Variants in CCSER1 observed in about 807,000 individuals in gnomAD.
CCSER1 encodes serine-rich coiled-coil domain-containing protein 1.
CCSER1 carries 41 observed loss-of-function variants against 82.0 expected under a neutral mutation model. That is an observed-to-expected ratio of 0.50 (90% CI 0.39 to 0.65). The LOEUF (loss-of-function observed/expected upper bound fraction) is 0.65, where lower values mean the gene tolerates loss of function less well. CCSER1 is among the 30% of genes least tolerant of loss of function. The pLI is 0.00. For synonymous variants in CCSER1, 414 were observed against 383.9 expected, an observed-to-expected ratio of 1.08 and a Z score of -0.92; for missense variants, 1,119 against 1,064.2, an observed-to-expected ratio of 1.05 and a Z score of -0.72.
At chr4:91,254,290 G>A (rs1378609094) in intron 10 of CCSER1, among the ~76,000 whole-genome samples, 2 of 152,132 alleles carry the variant, frequency 1.3e-5, no homozygotes, top group African/African-American at 2.4e-5. Flanking sequence ...TATTTTCCAA[G>A]ATAGACTACA....
At chr4:91,416,774 C>T (rs1441179197) in intron 10 of CCSER1, among the ~76,000 whole-genome samples, 2 of 152,110 alleles carry the variant, frequency 1.3e-5, no homozygotes, top group African/African-American at 2.4e-5. Flanking sequence ...TAGGCAATAC[C>T]ATTCAGGACA....
intron 1 of CCSER1, among the ~76,000 whole-genome samples, chr4:90,167,970 A>G (rs2153372559): frequency 6.6e-6 from 1 of 152,262 alleles, no homozygotes; most frequent in East Asian, 1.9e-4. Flanking sequence ...CATGATTTAT[A>G]ATCCTTTGGG....
intron 4 of CCSER1, among the ~76,000 whole-genome samples, chr4:90,436,628 G>A (rs961448967): frequency 5.3e-5 from 8 of 151,944 alleles, no homozygotes; most frequent in Admixed American, 1.3e-4. Context: ...ATAAGAATCC[G>A]ATTTTCTTTT....
At chr4:90,830,117 A>ACC (rs1344619301) in intron 8 of CCSER1, among the ~76,000 whole-genome samples, 1 of 152,120 alleles carries the variant, frequency 6.6e-6, no homozygotes, top group East Asian at 1.9e-4. Context: ...CCAAACCATC[A>ACC]CCGGACATTT....
At chr4:91,215,981 T>A (rs1196151609) in intron 10 of CCSER1, among the ~76,000 whole-genome samples, 1 of 152,224 alleles carries the variant, frequency 6.6e-6, no homozygotes, top group African/African-American at 2.4e-5. Context: ...TCTGTTTTGA[T>A]CCTCTCCCTC....
intron 3 of CCSER1, among the ~76,000 whole-genome samples, chr4:90,328,412 G>T (rs1408135665): frequency 1.3e-5 from 2 of 151,756 alleles, no homozygotes; most frequent in Non-Finnish European, 2.9e-5. Flanking sequence ...TTTTAAAATA[G>T]TCAAGTAATT....
At chr4:90,388,299 A>ATGTTTGTTTGTT (rs144840089) in intron 3 of CCSER1, among the ~76,000 whole-genome samples, 1 of 150,290 alleles carries the variant, frequency 6.7e-6, no homozygotes, top group Non-Finnish European at 1.5e-5. Context: ...AGTACAAGTG[A>ATGTTTGTTTGTT]TGTTTGTTTG....
chr4:90,372,861 T>C (rs1014593610), intron 3 of CCSER1, among the ~76,000 whole-genome samples: 2 of 152,030 alleles, frequency 1.3e-5, no homozygotes, highest in African/African-American at 4.8e-5. Context: ...GATTATGATT[T>C]TTTTCAGAAG....
chr4:91,111,037 AAAAT>A (rs1467113482), intron 10 of CCSER1, among the ~76,000 whole-genome samples: 3 of 149,266 alleles, frequency 2.0e-5, no homozygotes, highest in Non-Finnish European at 3.0e-5. Flanking sequence ...TATAGTGAGA[AAAAT>A]AAGTATATAG....
intron 3 of CCSER1, among the ~76,000 whole-genome samples, chr4:90,384,100 T>C (rs1749636585): frequency 6.6e-6 from 1 of 151,856 alleles, no homozygotes; most frequent in African/African-American, 2.4e-5. Context: ...TTTTTGTTGT[T>C]GTTGTTTGTT....
At position 90,765,350 on chromosome 4, in the gene CCSER1, A is replaced by G. The variant is rs115147646; in HGVS notation, c.2010+41359A>G. Among the ~76,000 whole-genome samples the G allele has an allele frequency of 3.9e-3, 596 of 152,198 alleles. 2 individuals carry two copies. Among genetic ancestry groups the G allele is most frequent in the African/African-American group, 0.014 (573 of 41,554 alleles). On this transcript the variant is annotated intron_variant, in intron 7 of 10. Coordinates refer to ENST00000509176, the MANE Select transcript of CCSER1 (RefSeq NM_001145065.2). ...CGATGCATATATATGCAGATTTTAA[A>G]CAGAGTGAAAGATAAATTTCTTTTC...
At chr4:91,458,986 A>C (rs1381258761) in intron 10 of CCSER1, among the ~76,000 whole-genome samples, 1 of 152,138 alleles carries the variant, frequency 6.6e-6, no homozygotes, top group African/African-American at 2.4e-5. Context: ...TGTAGGAACA[A>C]AATATTATGA....
At chr4:90,274,455 G>C (rs1378019473) in intron 1 of CCSER1, among the ~76,000 whole-genome samples, 5 of 152,082 alleles carry the variant, frequency 3.3e-5, no homozygotes, top group Non-Finnish European at 7.4e-5. Context: ...CAGCTTTGCT[G>C]TTAAGAAAAC....
chr4:91,527,633 T>G lies in CCSER1; in HGVS notation c.2218-70939T>G. 1.3e-5 allele frequency among the ~76,000 whole-genome samples: 2 copies of G among 152,214 alleles called. 1 individual carries two copies. Among genetic ancestry groups the G allele is most frequent in the Non-Finnish European group, 2.9e-5 (2 of 68,034 alleles). ...CAGATATAACAGTGACATAGGTTTC[T>G]ATATTCAATAAATGGTTCATACCGT... is the stretch of plus-strand genomic sequence containing the variant. On this transcript the variant is annotated intron_variant, in intron 10 of 10. Coordinates refer to ENST00000509176, the MANE Select transcript of CCSER1 (RefSeq NM_001145065.2).
chr4:90,414,121 A>G (rs942173811), intron 4 of CCSER1, among the ~76,000 whole-genome samples: 1 of 149,390 alleles, frequency 6.7e-6, no homozygotes, highest in African/African-American at 2.4e-5. Flanking sequence ...AACAATTTCA[A>G]TGAAAGAATG....
intron 7 of CCSER1, among the ~76,000 whole-genome samples, chr4:90,765,901 G>C (rs1251552028): frequency 1.3e-5 from 2 of 152,166 alleles, no homozygotes; most frequent in African/African-American, 4.8e-5. Context: ...ATCCTGAGCA[G>C]AAAGATGGAT....
rs564944746 is a variant in CCSER1, at chr4:90,479,607, A to G, written c.1724+11253A>G. 1.7e-3 allele frequency among the ~76,000 whole-genome samples: 258 copies of G among 151,658 alleles called. 1 individual carries two copies. Among genetic ancestry groups the G allele is most frequent in the African/African-American group, 6.1e-3 (250 of 41,316 alleles). On this transcript the variant is annotated intron_variant, in intron 5 of 10. Coordinates refer to ENST00000509176, the MANE Select transcript of CCSER1 (RefSeq NM_001145065.2). Reference sequence around the variant, plus strand: ...TGTACTCATTGATCAATTCCCACCTATAAGTGAGAATATGCGGTGTTTGGT... The same window carrying G: ...TGTACTCATTGATCAATTCCCACCTGTAAGTGAGAATATGCGGTGTTTGGT...
At chr4:90,526,883 A>G (rs1773828999) in intron 5 of CCSER1, among the ~76,000 whole-genome samples, 1 of 152,196 alleles carries the variant, frequency 6.6e-6, no homozygotes, top group African/African-American at 2.4e-5. Flanking sequence ...TTGGGTATAT[A>G]CCCAGTAATG....
At chr4:91,589,698 T>A (rs1256132281) in intron 10 of CCSER1, among the ~76,000 whole-genome samples, 1 of 151,822 alleles carries the variant, frequency 6.6e-6, no homozygotes, top group Non-Finnish European at 1.5e-5. Flanking sequence ...TTAACTTAAA[T>A]CTTTAACTCA....
Sources: allele counts gnomAD v4.1 joint callset (sites outside exome capture counted in the v4.1 genomes callset), GRCh38; gene constraint gnomAD v4.1.1; transcripts MANE v1.5; gene names NCBI Gene and HGNC (gene_info 2026-07-23, HGNC 2026-07-21).